BCAR3: variants seen among roughly 807,000 people sequenced by gnomAD.
BCAR3 encodes breast cancer anti-estrogen resistance protein 3.
In BCAR3, 37 loss-of-function variants were observed where a neutral mutation model predicts 80.1. The observed-to-expected ratio is 0.46, with a 90% CI of 0.36 to 0.61. The LOEUF (loss-of-function observed/expected upper bound fraction) is 0.61, where lower values mean the gene tolerates loss of function less well. Ranked by LOEUF, BCAR3 falls within the 20% of genes least tolerant of loss-of-function variation. The pLI is 0.00. For synonymous variants in BCAR3, 389 were observed against 418.9 expected (o/e 0.93, Z 0.87); for missense variants, 978 against 1,068.2 (o/e 0.92, Z 1.18).
At chr1:93,572,163 C>T (rs963922147) in intron 8 of BCAR3, among the ~76,000 whole-genome samples, 2 of 152,146 alleles carry the variant, frequency 1.3e-5, no homozygotes, top group African/African-American at 4.8e-5. Flanking sequence ...CATGTGGCTC[C>T]TAGTACCCTG....
chr1:93,651,093 G>T (rs894028744), intron 2 of BCAR3, among the ~76,000 whole-genome samples: 2 of 152,168 alleles, frequency 1.3e-5, no homozygotes, highest in Admixed American at 1.3e-4. Context: ...GAGAGAGAAG[G>T]TACTGAAGCC....
intron 2 of BCAR3, among the ~76,000 whole-genome samples, chr1:93,831,561 C>T (rs1654566565): frequency 6.6e-6 from 1 of 152,100 alleles, no homozygotes; most frequent in Non-Finnish European, 1.5e-5. Context: ...ATTGGTCCCT[C>T]CCTAATCTCT....
intron 3 of BCAR3, among the ~76,000 whole-genome samples, chr1:93,631,972 C>T (rs1021729577): frequency 1.3e-5 from 2 of 152,150 alleles, no homozygotes; most frequent in Non-Finnish European, 2.9e-5. Flanking sequence ...CCACGCAAGC[C>T]CCAGGCAGGA....
chr1:93,799,810 C>A (rs897465894), intron 2 of BCAR3, among the ~76,000 whole-genome samples: 11 of 152,180 alleles, frequency 7.2e-5, no homozygotes, highest in Non-Finnish European at 1.6e-4. Flanking sequence ...GCATAACAGT[C>A]CAGGTATATT....
intron 2 of BCAR3, among the ~76,000 whole-genome samples, chr1:93,840,467 A>T (rs963564608): frequency 6.6e-6 from 1 of 152,232 alleles, no homozygotes; most frequent in Admixed American, 6.5e-5. Flanking sequence ...ATTAAGATTC[A>T]CTAAGCTTTA....
At chr1:93,665,788 C>A (rs61780999) in intron 2 of BCAR3, among the ~76,000 whole-genome samples, 19,926 of 152,090 alleles carry the variant, frequency 0.13, 1,397 homozygotes, top group Middle Eastern at 0.16. Context: ...TCTACCATAA[C>A]CCCCTTCCCT....
intron 3 of BCAR3, chr1:93,602,348 A>G (rs990709496): frequency 1.3e-5 from 2 of 152,250 alleles, no homozygotes; most frequent in African/African-American, 4.8e-5. Flanking sequence ...AGGTGGCCCA[A>G]GCTGGGGGTC....
At chr1:93,597,381 A>T (rs1227261798) in intron 3 of BCAR3, among the ~76,000 whole-genome samples, 1 of 152,216 alleles carries the variant, frequency 6.6e-6, no homozygotes. Flanking sequence ...TTTCATGAAA[A>T]TCTGAGTCTA....
chr1:93,691,294 G>GA, intron 3 of BCAR3, among the ~76,000 whole-genome samples: 1 of 152,332 alleles, frequency 6.6e-6, no homozygotes, highest in South Asian at 2.1e-4. Context: ...TCCCACTGGG[G>GA]AACAGCCTCC....
chr1:93,631,664 A>G (rs1257703835), intron 3 of BCAR3, among the ~76,000 whole-genome samples: 1 of 152,146 alleles, frequency 6.6e-6, no homozygotes, highest in East Asian at 1.9e-4. Context: ...AGTCATCCCT[A>G]CAGTTCGGGA....
At chr1:93,620,468 C>G (rs1203478683) in intron 3 of BCAR3, among the ~76,000 whole-genome samples, 1 of 152,116 alleles carries the variant, frequency 6.6e-6, no homozygotes, top group African/African-American at 2.4e-5. Flanking sequence ...CCACAACTAC[C>G]AGCTCTCCAT....
At chr1:93,733,996 G>T (rs920129551) in intron 2 of BCAR3, among the ~76,000 whole-genome samples, 2 of 152,210 alleles carry the variant, frequency 1.3e-5, no homozygotes, top group African/African-American at 4.8e-5. Context: ...AGGGAGAACT[G>T]GGTTTTCTTT....
chr1:93,582,576 A>C lies in BCAR3; in HGVS notation c.1411T>G (p.Ser471Ala), dbSNP rs1673757978. ...KQNEAPGPRN[S>A]GVNYLILDDD... ...TCAAGGATCAAGTAGTTGACGCCAG[A>C]GTTCCGGGGACCTGGCGCCTCATTC... The change falls in exon 7 of 12, where the codon TCT becomes GCT. Residue 471 changes from serine to alanine, a missense_variant. Transcript: ENST00000260502. 1.2e-6 allele frequency: 2 copies of C among 1,613,416 alleles called. No homozygotes were observed. Among genetic ancestry groups the C allele is most frequent in the Admixed American group, 1.7e-5 (1 of 59,870 alleles).
chr1:93,587,698 C>T (rs1161665450), intron 5 of BCAR3, among the ~76,000 whole-genome samples: 1 of 119,436 alleles, frequency 8.4e-6, no homozygotes, highest in Admixed American at 7.7e-5. Flanking sequence ...TGGACCCCCC[C>T]GCCAAAAAAA....
intron 2 of BCAR3, among the ~76,000 whole-genome samples, chr1:93,718,286 C>T (rs1409784247): frequency 6.6e-6 from 1 of 152,162 alleles, no homozygotes; most frequent in African/African-American, 2.4e-5. Flanking sequence ...AACTTTGATA[C>T]ATATGATCAG....
At chr1:93,778,658 G>A (rs1652657707) in intron 2 of BCAR3, among the ~76,000 whole-genome samples, 1 of 152,062 alleles carries the variant, frequency 6.6e-6, no homozygotes, top group Admixed American at 6.6e-5. Context: ...TGGGTTCCCA[G>A]CCACCTGCCA....
At chr1:93,701,888 G>T (rs1168710111) in intron 3 of BCAR3, among the ~76,000 whole-genome samples, 7 of 152,172 alleles carry the variant, frequency 4.6e-5, no homozygotes, top group Admixed American at 4.6e-4. Flanking sequence ...GAACATGTGA[G>T]CCACCCTCAG....
In BCAR3 at chr1:93,588,968, C is replaced by G. The variant is rs781461526; in HGVS notation, c.929+9G>C. The stretch of plus-strand genomic sequence containing the variant: ...CCCTCATAGTCCTGCAGAGGAGGCC[C>G]TGACCTACCTGAGGAGGTTTCCCCT... On this transcript the variant is annotated intron_variant, in intron 5 of 11. Coordinates refer to ENST00000260502, the MANE Select transcript of BCAR3 (RefSeq NM_003567.4). The G allele has an allele frequency of 6.4e-6, 10 of 1,553,034 alleles. No homozygotes were observed. The South Asian group carries it at 9.8e-5, about 15-fold the overall frequency.
chr1:93,618,554 CCT>C (rs1325408276), intron 3 of BCAR3, among the ~76,000 whole-genome samples: 16 of 152,192 alleles, frequency 1.1e-4, no homozygotes. Context: ...GGCACTGTGC[CCT>C]GTTTTGCTTT....
Sources: allele counts gnomAD v4.1 joint callset (sites outside exome capture counted in the v4.1 genomes callset), GRCh38; gene constraint gnomAD v4.1.1; transcripts MANE v1.5; gene names NCBI Gene and HGNC (gene_info 2026-07-23, HGNC 2026-07-21).